TCF7L2: variants seen among roughly 807,000 people sequenced by gnomAD.
The protein encoded by TCF7L2 is transcription factor 7-like 2.
Under a neutral mutation model 77.9 loss-of-function variants are expected in TCF7L2, and 23 were observed. That is an observed-to-expected ratio of 0.30 (90% CI 0.21 to 0.42). The LOEUF (loss-of-function observed/expected upper bound fraction) is 0.42, where lower values mean the gene tolerates loss of function less well. Among genes scored for constraint, TCF7L2 ranks in the 10% least tolerant of loss-of-function variants. TCF7L2 has a pLI of 1.00. For missense variants in TCF7L2, 654 were observed against 793.1 expected, an observed-to-expected ratio of 0.82 and a Z score of 2.11; for synonymous variants, 413 against 340.2, an observed-to-expected ratio of 1.21 and a Z score of -2.36.
chr10:113,079,851 T>C (rs1485293324), intron 5 of TCF7L2, among the ~76,000 whole-genome samples: 1 of 151,890 alleles, frequency 6.6e-6, no homozygotes, highest in East Asian at 1.9e-4. Flanking sequence ...AGAGATGGAG[T>C]TTCACCATGT....
At chr10:112,976,268 A>G (rs2039408534) in intron 4 of TCF7L2, among the ~76,000 whole-genome samples, 2 of 152,208 alleles carry the variant, frequency 1.3e-5, no homozygotes, top group Admixed American at 1.3e-4. Flanking sequence ...CACATTTAGA[A>G]TATGCTTTAT....
At position 113,160,685 on chromosome 10, in the gene TCF7L2, C is replaced by A. The variant is rs1219807932; in HGVS notation, c.1385C>A (p.Pro462Gln). ...GACCGACAGACTTTATGGTGCAAAC[C>A]GTGCAGGTATATTACCACTGCGAGG... Residue 462 changes from proline to glutamine, a missense_variant, in exon 13 of 14, where the codon CCG becomes CAG. Pro to Gln is a moderately conservative substitution (Grantham distance 76). Transcript: ENST00000627217. 6.3e-7 allele frequency: 1 copy of A among 1,591,692 alleles called. No homozygotes were observed. The highest frequency in any genetic ancestry group is 8.6e-7 in the Non-Finnish European group (1 of 1,168,444).
intron 11 of TCF7L2, 119 bp downstream of exon 11, chr10:113,152,559 C>G: frequency 2.6e-6 from 2 of 760,446 alleles, no homozygotes; most frequent in Admixed American, 2.7e-5. Flanking sequence ...TCCAATCTGC[C>G]CGCTTTGGGG....
intron 4 of TCF7L2, among the ~76,000 whole-genome samples, chr10:113,026,718 T>C (rs143872124): frequency 1.4e-4 from 22 of 152,314 alleles, no homozygotes; most frequent in African/African-American, 5.1e-4. Context: ...TGTTGAAAAC[T>C]TGAGACCTGA....
intron 5 of TCF7L2, among the ~76,000 whole-genome samples, chr10:113,083,222 C>T (rs372181531): frequency 2.1e-4 from 31 of 149,266 alleles, no homozygotes; most frequent in South Asian, 6.4e-4. Flanking sequence ...ACTTGCCATT[C>T]GTGACTCTAG....
In TCF7L2 at chr10:113,057,894, A is replaced by T. The variant is rs920402100; in HGVS notation, c.552+17768A>T. ...TAGTGACAGGAGCCATGTCAGAGAA[A>T]GAGCAGGACAGTGGGACAGAGAGGG... is the stretch of plus-strand genomic sequence containing the variant. On this transcript the variant is annotated intron_variant, in intron 5 of 13. Coordinates refer to ENST00000627217, the MANE Select transcript of TCF7L2 (RefSeq NM_001146274.2). 8.5e-5 allele frequency among the ~76,000 whole-genome samples: 13 copies of T among 152,206 alleles called. 1 individual carries two copies. Among genetic ancestry groups the T allele is most frequent in the Admixed American group, 8.5e-4 (13 of 15,282 alleles).
intron 5 of TCF7L2, among the ~76,000 whole-genome samples, chr10:113,130,213 G>T (rs1441740016): frequency 1.3e-5 from 2 of 152,124 alleles, no homozygotes; most frequent in Non-Finnish European, 2.9e-5. Context: ...AAAAAGATGG[G>T]GAGGAGAGAA....
intron 4 of TCF7L2, among the ~76,000 whole-genome samples, chr10:113,024,168 T>G (rs995164078): frequency 1.3e-5 from 2 of 151,964 alleles, no homozygotes; most frequent in African/African-American, 4.8e-5. Flanking sequence ...CATGGTGGGA[T>G]GCATCTGTAG....
chr10:113,056,296 G>T (rs1293228260), intron 5 of TCF7L2, among the ~76,000 whole-genome samples: 1 of 152,180 alleles, frequency 6.6e-6, no homozygotes, highest in South Asian at 2.1e-4. Context: ...TGAATACCGC[G>T]CCTCATTGCC....
At chr10:113,134,311 TG>T (rs759737406) in intron 5 of TCF7L2, among the ~76,000 whole-genome samples, 3 of 152,160 alleles carry the variant, frequency 2.0e-5, no homozygotes, top group Non-Finnish European at 2.9e-5. Context: ...TTTTATTCTG[TG>T]TATATATAAG....
chr10:112,992,970 G>C (rs1043022297), intron 4 of TCF7L2, among the ~76,000 whole-genome samples: 2 of 151,762 alleles, frequency 1.3e-5, no homozygotes, highest in African/African-American at 4.8e-5. Context: ...TTACCATCTT[G>C]GCCAGGCTGG....
At chr10:113,060,092 CCT>C (rs1238503463) in intron 5 of TCF7L2, among the ~76,000 whole-genome samples, 3 of 152,114 alleles carry the variant, frequency 2.0e-5, no homozygotes, top group Non-Finnish European at 4.4e-5. Flanking sequence ...CAGCGGATAC[CCT>C]GTTAGTGTTT....
intron 6 of TCF7L2, among the ~76,000 whole-genome samples, chr10:113,143,102 A>G (rs1180112673): frequency 1.3e-5 from 2 of 152,256 alleles, no homozygotes; most frequent in Admixed American, 6.5e-5. Flanking sequence ...TCAATGGCAT[A>G]CATCAATTCC....
In TCF7L2 at chr10:113,105,881, T is replaced by C. The variant is rs144352839; in HGVS notation, c.553-35303T>C. ...TTGGGGCTCTGGCAATTGATGTTTG[T>C]AATTAGTATCCTGATTTATTAAGAA... On this transcript the variant is annotated intron_variant, in intron 5 of 13. Transcript: ENST00000627217. Among the ~76,000 whole-genome samples, 218 of 152,326 alleles carry C rather than the reference T, an allele frequency of 1.4e-3. 1 individual carries two copies. Among genetic ancestry groups the C allele is most frequent in the Middle Eastern group, 6.8e-3 (2 of 294 alleles).
intron 4 of TCF7L2, among the ~76,000 whole-genome samples, chr10:112,965,597 C>T (rs1045840547): frequency 3.3e-5 from 5 of 151,346 alleles, no homozygotes; most frequent in Admixed American, 1.3e-4. Context: ...TGGGCAAGAG[C>T]CCTTGCAGAT....
chr10:113,041,065 T>C (rs1028033845), intron 5 of TCF7L2, among the ~76,000 whole-genome samples: 8 of 152,246 alleles, frequency 5.3e-5, no homozygotes, highest in Non-Finnish European at 1.0e-4. Context: ...GTTTCTTAAG[T>C]AGAAAAATCT....
At chr10:113,099,219 T>C (rs2061370736) in intron 5 of TCF7L2, among the ~76,000 whole-genome samples, 1 of 152,234 alleles carries the variant, frequency 6.6e-6, no homozygotes, top group South Asian at 2.1e-4. Context: ...ATGTTATTGC[T>C]AACCATATAG....
chr10:113,099,744 T>C (rs918523313), intron 5 of TCF7L2, among the ~76,000 whole-genome samples: 17 of 152,138 alleles, frequency 1.1e-4, no homozygotes, highest in African/African-American at 3.4e-4. Flanking sequence ...CGCACACATG[T>C]AAATTCTTGT....
chr10:113,126,629 A>T (rs1438024886), intron 5 of TCF7L2: 11 of 984,580 alleles, frequency 1.1e-5, no homozygotes, highest in Non-Finnish European at 1.1e-5. Context: ...GGGAGATCCC[A>T]GTTATTGTGC....
Sources: allele counts gnomAD v4.1 joint callset (sites outside exome capture counted in the v4.1 genomes callset), GRCh38; gene constraint gnomAD v4.1.1; transcripts MANE v1.5; gene names NCBI Gene and HGNC (gene_info 2026-07-23, HGNC 2026-07-21).